The following MSH3 variants were observed in gnomAD, a reference collection of about 807,000 sequenced individuals.
The protein encoded by MSH3 is DNA mismatch repair protein Msh3.
MSH3 carries 106 observed loss-of-function variants against 123.3 expected under a neutral mutation model. That is an observed-to-expected ratio of 0.86 (90% confidence interval 0.73 to 1.01). MSH3 has a LOEUF of 1.01. Among genes scored for constraint, MSH3 ranks in the 50% least tolerant of loss-of-function variants. The pLI is 0.00. For missense variants in MSH3, 1,459 were observed against 1,347.6 expected (o/e 1.08, Z -1.29); for synonymous variants, 515 against 481.4 (o/e 1.07, Z -0.91).
chr5:80,816,309 G>A (rs1328692899), intron 20 of MSH3, among the ~76,000 whole-genome samples: 1 of 152,168 alleles, frequency 6.6e-6, no homozygotes, highest in Non-Finnish European at 1.5e-5. Flanking sequence ...GATCTGGTCA[G>A]GAAGGTCAGG....
intron 20 of MSH3, among the ~76,000 whole-genome samples, chr5:80,853,043 C>A (rs1000375016): frequency 1.3e-5 from 2 of 152,034 alleles, no homozygotes; most frequent in Admixed American, 1.3e-4. Flanking sequence ...TTGTTTTTTT[C>A]AGTTCCTTTT....
intron 19 of MSH3, among the ~76,000 whole-genome samples, chr5:80,794,685 C>G (rs1480512046): frequency 1.3e-5 from 2 of 152,016 alleles, no homozygotes; most frequent in Non-Finnish European, 1.5e-5. Context: ...ATGAAGAGAT[C>G]AAGGAACAGA....
In MSH3 at chr5:80,850,359, A is replaced by G. The variant is rs559502792; in HGVS notation, c.2814-3771A>G. 2.0e-5 allele frequency among the ~76,000 whole-genome samples: 3 copies of G among 152,228 alleles called. No individual in the cohort carries two copies. In the South Asian group the frequency reaches 6.2e-4, roughly 32 times the overall value. ...CCACTTTTTCAAGTATCTTTCCAGC[A>G]ACACCCCACTCCTGGTACCAATTTA... On this transcript the variant is annotated intron_variant, in intron 20 of 23. Coordinates refer to ENST00000265081, the MANE Select transcript of MSH3 (RefSeq NM_002439.5).
chr5:80,778,748 C>T lies in MSH3; in HGVS notation c.2347C>T (p.Pro783Ser), dbSNP rs778848549. ...STKAVSRFHS[P>S]FIVENYRHLN... is the part of the protein sequence containing the mutation. ...AAAAGCTGTGAGCCGCTTTCACTCT[C>T]CTTTTATTGTAGAAAATTACAGACA... The change falls in exon 17 of 24, where the codon CCT (proline) becomes TCT (serine). Residue 783 changes from proline (P) to serine (S), a missense_variant. Physicochemically the swap from Pro to Ser is moderately conservative, Grantham distance 74. Coordinates refer to ENST00000265081, the MANE Select transcript of MSH3 (RefSeq NM_002439.5). 7 of 1,612,284 alleles carry T rather than the reference C, an allele frequency of 4.3e-6. No individual in the cohort carries two copies. In the South Asian group the frequency reaches 4.4e-5, roughly 10 times the overall value.
chr5:80,733,649 A>C (rs1027663650), intron 10 of MSH3, among the ~76,000 whole-genome samples: 1 of 152,140 alleles, frequency 6.6e-6, no homozygotes, highest in Admixed American at 6.5e-5. Flanking sequence ...GATAACTCAG[A>C]AAATGGACAA....
At chr5:80,809,525 C>G (rs780335723) in intron 19 of MSH3, among the ~76,000 whole-genome samples, 1 of 151,976 alleles carries the variant, frequency 6.6e-6, no homozygotes, top group East Asian at 1.9e-4. Context: ...TCTAAACTAC[C>G]GATTTAAAAA....
At chr5:80,837,743 C>T (rs992380133) in intron 20 of MSH3, among the ~76,000 whole-genome samples, 1 of 152,152 alleles carries the variant, frequency 6.6e-6, no homozygotes, top group African/African-American at 2.4e-5. Flanking sequence ...TTGAGCAACA[C>T]ACATTTATTA....
At chr5:80,687,847 A>T (rs1750127435) in intron 8 of MSH3, among the ~76,000 whole-genome samples, 1 of 152,160 alleles carries the variant, frequency 6.6e-6, no homozygotes. Flanking sequence ...GTTGAATTTT[A>T]AAAATAAATA....
At chr5:80,690,999 C>T (rs1750230829) in intron 8 of MSH3, among the ~76,000 whole-genome samples, 1 of 151,794 alleles carries the variant, frequency 6.6e-6, no homozygotes, top group Non-Finnish European at 1.5e-5. Context: ...TAATTAAACT[C>T]ATAATTTAAT....
Position 80,752,400 on chromosome 5 carries a change from C to A in MSH3, c.1763+7785C>A, listed in dbSNP as rs149896886. On this transcript the variant is annotated intron_variant, in intron 12 of 23. Transcript: ENST00000265081. Reference sequence around the variant, plus strand: ...CTTTATTTTTTATCTGTATTTTTTTCAGCTATCTTTAGAGATAGTTATTCT... The same window carrying A: ...CTTTATTTTTTATCTGTATTTTTTTAAGCTATCTTTAGAGATAGTTATTCT... 1.5e-3 allele frequency among the ~76,000 whole-genome samples: 234 copies of A among 152,038 alleles called. 2 individuals are homozygous for A. In the East Asian group the frequency reaches 0.025, roughly 16 times the overall value.
At chr5:80,825,494 C>G (rs554702008) in intron 20 of MSH3, among the ~76,000 whole-genome samples, 2 of 152,084 alleles carry the variant, frequency 1.3e-5, no homozygotes, top group African/African-American at 2.4e-5. Context: ...TTACTATTCC[C>G]TCATTTTTCT....
intron 22 of MSH3, among the ~76,000 whole-genome samples, chr5:80,865,925 A>C (rs1041600735): frequency 1.3e-5 from 2 of 152,210 alleles, no homozygotes; most frequent in African/African-American, 2.4e-5. Flanking sequence ...AACACATCAT[A>C]AATTCTCTTA....
chr5:80,784,669 G>T (rs541035017), intron 17 of MSH3, among the ~76,000 whole-genome samples: 14 of 151,814 alleles, frequency 9.2e-5, no homozygotes, highest in Non-Finnish European at 1.6e-4. Flanking sequence ...TATTTTTTTG[G>T]ACCCATTAGC....
intron 2 of MSH3, among the ~76,000 whole-genome samples, chr5:80,663,432 C>G (rs1749490043): frequency 6.6e-6 from 1 of 152,060 alleles, no homozygotes; most frequent in Non-Finnish European, 1.5e-5. Flanking sequence ...CCTCTCTACT[C>G]CATTTCAATT....
At chr5:80,711,704 G>A (rs1220497857) in intron 8 of MSH3, among the ~76,000 whole-genome samples, 1 of 151,872 alleles carries the variant, frequency 6.6e-6, no homozygotes, top group African/African-American at 2.4e-5. Flanking sequence ...GCCCAGGCTG[G>A]AGTACAATGG....
intron 8 of MSH3, among the ~76,000 whole-genome samples, chr5:80,712,342 T>C (rs1313615200): frequency 6.6e-6 from 1 of 152,226 alleles, no homozygotes; most frequent in Non-Finnish European, 1.5e-5. Context: ...TTAAAAAGAT[T>C]ATGAGGTAAA....
chr5:80,656,679 G>A (rs1749298306), intron 2 of MSH3, 148 bp downstream of exon 2: 2 of 980,162 alleles, frequency 2.0e-6, no homozygotes, highest in African/African-American at 3.3e-5. Context: ...CCCCCTATAG[G>A]TGATGGTGAT....
chr5:80,835,513 AGC>A (rs1260761698), intron 20 of MSH3, among the ~76,000 whole-genome samples: 5 of 152,248 alleles, frequency 3.3e-5, no homozygotes, highest in Non-Finnish European at 5.9e-5. Context: ...ATACTTCATT[AGC>A]ACAGGTTTGG....
Position 80,692,041 on chromosome 5 carries a change from G to T in MSH3, c.1340+12948G>T, listed in dbSNP as rs188221338. Among the ~76,000 whole-genome samples the T allele has an allele frequency of 2.3e-4, 30 of 132,492 alleles. 1 individual carries two copies. The highest frequency in any genetic ancestry group is 7.9e-4 in the African/African-American group (30 of 37,800). 86.9% of individuals were successfully genotyped at this position (132,492 alleles called of 152,430 possible). ...TTTAGATAGATAAACAGTATGTTTA[G>T]ATAGATAAACATGTATATGTTTAGA... On this transcript the variant is annotated intron_variant, in intron 8 of 23. Transcript: ENST00000265081.
Sources: gnomAD v4.1 joint callset for allele counts (sites outside exome capture counted in the v4.1 genomes callset) on GRCh38, gnomAD v4.1.1 for gene constraint, MANE v1.5 for transcripts, NCBI Gene and HGNC (gene_info 2026-07-23, HGNC 2026-07-21) for gene names.